The following EXT1 variants were observed in gnomAD, a reference collection of about 807,000 sequenced individuals.
EXT1 encodes the protein exostosin-1.
A neutral mutation model predicts 82.5 loss-of-function variants in EXT1; 20 were observed. The observed-to-expected ratio is 0.24, with a 90% CI of 0.17 to 0.35. EXT1 has a LOEUF of 0.35. Among genes scored for constraint, EXT1 ranks in the 10% least tolerant of loss-of-function variants. The probability of loss-of-function intolerance (pLI) is 1.00; values close to 1 mark genes in which losing one functional copy is unlikely to be tolerated. For missense variants in EXT1, 757 were observed against 936.5 expected (o/e 0.81, Z 2.50); for synonymous variants, 348 against 350.8 (o/e 0.99, Z 0.09).
rs76009866 is a variant in EXT1 at position 117,960,886 on chromosome 8, G to T, written c.963-123685C>A. Among the ~76,000 whole-genome samples the T allele has an allele frequency of 6.9e-3, 1,055 of 152,242 alleles. 15 individuals are homozygous for T. The highest frequency in any genetic ancestry group is 0.024 in the African/African-American group (995 of 41,548). ...GAAATCCTTTGTTTTTCAAATAATA[G>T]CGGGGAAAAACACGACAGCAATGAA... is the stretch of plus-strand genomic sequence containing the variant. On this transcript the variant is annotated intron_variant, in intron 1 of 10. Coordinates refer to ENST00000378204, the MANE Select transcript of EXT1 (RefSeq NM_000127.3).
chr8:117,815,692 G>A (rs1811798448), intron 7 of EXT1, among the ~76,000 whole-genome samples: 2 of 152,168 alleles, frequency 1.3e-5, no homozygotes, highest in Admixed American at 1.3e-4. Flanking sequence ...AGCACTTTGG[G>A]AGGCCTAGGC....
chr8:117,929,423 A>T (rs1384737682), intron 1 of EXT1, among the ~76,000 whole-genome samples: 1 of 152,260 alleles, frequency 6.6e-6, no homozygotes, highest in African/African-American at 2.4e-5. Context: ...AAGACATCAG[A>T]GACACAACAG....
At chr8:117,898,306 G>T (rs1293556219) in intron 1 of EXT1, among the ~76,000 whole-genome samples, 1 of 152,208 alleles carries the variant, frequency 6.6e-6, no homozygotes, top group East Asian at 1.9e-4. Flanking sequence ...TTCTTTGGAG[G>T]AAGTACCTTC....
intron 1 of EXT1, among the ~76,000 whole-genome samples, chr8:118,003,898 T>C (rs1487084192): frequency 6.6e-6 from 1 of 152,232 alleles, no homozygotes; most frequent in East Asian, 1.9e-4. Context: ...TCTACACTTT[T>C]GCTTTTAGCA....
At chr8:118,058,970 G>T (rs1441592196) in intron 1 of EXT1, among the ~76,000 whole-genome samples, 2 of 152,060 alleles carry the variant, frequency 1.3e-5, no homozygotes, top group African/African-American at 4.8e-5. Context: ...TCTGTATGAT[G>T]GTCTTGAGTA....
Position 117,926,675 on chromosome 8 carries a change from C to T in EXT1, c.963-89474G>A, listed in dbSNP as rs17475694. Among the ~76,000 whole-genome samples the T allele has an allele frequency of 6.0e-4, 91 of 152,226 alleles. No individual in the cohort carries two copies. The East Asian group carries it at 0.01, about 17-fold the overall frequency. On this transcript the variant is annotated intron_variant, in intron 1 of 10. Coordinates refer to ENST00000378204, the MANE Select transcript of EXT1 (RefSeq NM_000127.3). ...GGTCACTGAAGCCGAAGCCACATAG[C>T]GGATGACAAACAGGATAAGGAAAAG...
intron 1 of EXT1, among the ~76,000 whole-genome samples, chr8:117,888,868 C>T (rs975225459): frequency 9.9e-5 from 15 of 152,172 alleles, no homozygotes; most frequent in Admixed American, 9.8e-4. Context: ...GTAATGCTGC[C>T]TATCTTCAAA....
chr8:117,900,882 T>C (rs963378166), intron 1 of EXT1, among the ~76,000 whole-genome samples: 2 of 152,252 alleles, frequency 1.3e-5, no homozygotes, highest in African/African-American at 4.8e-5. Context: ...CTAAGTGTTT[T>C]ACATTCTTTT....
At chr8:117,924,729 G>A (rs142561015) in intron 1 of EXT1, among the ~76,000 whole-genome samples, 2 of 152,294 alleles carry the variant, frequency 1.3e-5, no homozygotes, top group East Asian at 3.9e-4. Context: ...GTTTGGAAAG[G>A]CATAAAACCT....
rs922230630 is a variant in EXT1, at chr8:118,091,586, G to GA, written c.962+18498dup. 4.0e-5 allele frequency among the ~76,000 whole-genome samples: 6 copies of GA among 150,928 alleles called. No individual in the cohort carries two copies. In the East Asian group the frequency reaches 5.8e-4, roughly 15 times the overall value. ...ACTCCGTCTCTACTAAAAATAAAAAGAAAAAAAAATTAGCCGGGCATGGTG... is the reference window on the plus strand; with the variant it reads ...ACTCCGTCTCTACTAAAAATAAAAAGAAAAAAAAAATTAGCCGGGCATGGTG... On this transcript the variant is annotated intron_variant, in intron 1 of 10. Transcript: ENST00000378204.
chr8:118,079,597 T>C (rs1240135286), intron 1 of EXT1, among the ~76,000 whole-genome samples: 2 of 152,310 alleles, frequency 1.3e-5, no homozygotes, highest in Middle Eastern at 3.4e-3. Flanking sequence ...ACCTGCCTCA[T>C]CACCAAGGAG....
chr8:117,884,372 C>A (rs1813112113), intron 1 of EXT1, among the ~76,000 whole-genome samples: 1 of 152,104 alleles, frequency 6.6e-6, no homozygotes, highest in Non-Finnish European at 1.5e-5. Flanking sequence ...TGTGACAAGT[C>A]AAGCCTACCT....
At chr8:118,049,452 A>T (rs1816682130) in intron 1 of EXT1, among the ~76,000 whole-genome samples, 1 of 152,182 alleles carries the variant, frequency 6.6e-6, no homozygotes, top group Non-Finnish European at 1.5e-5. Context: ...TTGTTGGCAA[A>T]GCTCCGACTT....
chr8:118,060,181 C>T (rs17505784), intron 1 of EXT1, among the ~76,000 whole-genome samples: 2,924 of 152,254 alleles, frequency 0.019, 92 homozygotes, highest in African/African-American at 0.067. Flanking sequence ...TTCTTACCCC[C>T]CAAAAATAAA....
rs770218370 is a variant in EXT1, at chr8:118,110,885, G to T, written c.162C>A (p.Phe54Leu). The T allele has an allele frequency of 1.2e-6, 2 of 1,613,808 alleles. No homozygotes were observed. The highest frequency in any genetic ancestry group is 1.7e-5 in the Admixed American group (1 of 60,022). Residue 54 changes from phenylalanine (F) to leucine (L), a missense_variant, in exon 1 of 11, where the codon TTC becomes TTA. Transcript: ENST00000378204. The stretch of plus-strand genomic sequence containing the variant: ...GCAGAGCGTCCGGGAAGCGGGGCCA[G>T]AAATGATCCGGACTGGGGTGGTGCA... ...NGLHHPSPDH[F>L]WPRFPDALRP...
intron 1 of EXT1, among the ~76,000 whole-genome samples, chr8:117,905,772 A>G (rs1218478947): frequency 6.6e-6 from 1 of 152,266 alleles, no homozygotes; most frequent in Non-Finnish European, 1.5e-5. Flanking sequence ...AGATCGCGCC[A>G]CTGCAGTCCA....
At chr8:118,079,801 A>G (rs1317352194) in intron 1 of EXT1, among the ~76,000 whole-genome samples, 1 of 152,194 alleles carries the variant, frequency 6.6e-6, no homozygotes, top group African/African-American at 2.4e-5. Flanking sequence ...AGAAAAGAAA[A>G]AACATGAACC....
At chr8:117,802,720 A>T (rs763869280) in intron 10 of EXT1, among the ~76,000 whole-genome samples, 7 of 152,242 alleles carry the variant, frequency 4.6e-5, no homozygotes, top group African/African-American at 9.6e-5. Flanking sequence ...AATAGACAAT[A>T]CATCTTGCTT....
chr8:118,049,613 AAG>A (rs1444476392), intron 1 of EXT1, among the ~76,000 whole-genome samples: 2 of 152,228 alleles, frequency 1.3e-5, no homozygotes, highest in Non-Finnish European at 1.5e-5. Flanking sequence ...GAAAGTAAAA[AAG>A]AGAAAAAAAA....
Sources: allele counts gnomAD v4.1 joint callset (sites outside exome capture counted in the v4.1 genomes callset), GRCh38; gene constraint gnomAD v4.1.1; transcripts MANE v1.5; gene names NCBI Gene and HGNC (gene_info 2026-07-23, HGNC 2026-07-21).